MAST4: variants seen among roughly 807,000 people sequenced by gnomAD.
MAST4 encodes the protein microtubule-associated serine/threonine-protein kinase 4.
MAST4 carries 89 observed loss-of-function variants against 162.7 expected under a neutral mutation model. That is an observed-to-expected ratio of 0.55 (90% CI 0.46 to 0.65). The LOEUF (loss-of-function observed/expected upper bound fraction) is 0.65. Ranked by LOEUF, MAST4 falls within the 30% of genes least tolerant of loss-of-function variation. The pLI is 0.00. For synonymous variants in MAST4, 1,479 were observed against 1,361.1 expected, an observed-to-expected ratio of 1.09 and a Z score of -1.91; for missense variants, 3,153 against 3,374.0, an observed-to-expected ratio of 0.93 and a Z score of 1.62.
chr5:66,834,248 T>C (rs1326290161), intron 3 of MAST4, among the ~76,000 whole-genome samples: 3 of 151,930 alleles, frequency 2.0e-5, no homozygotes, highest in Non-Finnish European at 2.9e-5. Context: ...GAGCTAGAAG[T>C]GACAGGGAGC....
At chr5:66,968,231 C>T (rs553471208) in intron 4 of MAST4, among the ~76,000 whole-genome samples, 1 of 152,316 alleles carries the variant, frequency 6.6e-6, no homozygotes, top group East Asian at 1.9e-4. Flanking sequence ...GATAACCACT[C>T]AAGAGCCTGC....
At chr5:66,907,747 C>T (rs1763480786) in intron 4 of MAST4, among the ~76,000 whole-genome samples, 1 of 151,878 alleles carries the variant, frequency 6.6e-6, no homozygotes, top group African/African-American at 2.4e-5. Flanking sequence ...TTCTAGAAGG[C>T]AAGGAAAGGG....
At chr5:66,958,149 A>G (rs1370095515) in intron 4 of MAST4, among the ~76,000 whole-genome samples, 2 of 150,738 alleles carry the variant, frequency 1.3e-5, no homozygotes, top group South Asian at 2.1e-4. Flanking sequence ...GTGAAAGAGA[A>G]AGAGAGAGAG....
At chr5:66,887,694 G>A (rs1561416148) in intron 3 of MAST4, among the ~76,000 whole-genome samples, 1 of 152,154 alleles carries the variant, frequency 6.6e-6, no homozygotes, top group East Asian at 1.9e-4. Flanking sequence ...TATAGTTGCA[G>A]GATAGTGGTA....
At chr5:67,011,169 C>T (rs188843878) in intron 4 of MAST4, among the ~76,000 whole-genome samples, 30 of 152,214 alleles carry the variant, frequency 2.0e-4, no homozygotes, top group African/African-American at 6.0e-4. Flanking sequence ...AAGCCCTGAC[C>T]GAGCGTCTCT....
At chr5:66,737,532 A>G (rs376194679) in intron 1 of MAST4, among the ~76,000 whole-genome samples, 13 of 152,110 alleles carry the variant, frequency 8.5e-5, no homozygotes, top group East Asian at 7.7e-4. Context: ...TTATAAGATC[A>G]CCGCGCCTGG....
At chr5:66,600,884 G>A (rs1031306413) in intron 1 of MAST4, among the ~76,000 whole-genome samples, 10 of 152,342 alleles carry the variant, frequency 6.6e-5, no homozygotes, top group African/African-American at 2.4e-4. Context: ...GGCTTAGTAA[G>A]TAAGAGGATT....
At chr5:67,065,866 A>C (rs1235391526) in intron 5 of MAST4, among the ~76,000 whole-genome samples, 1 of 152,188 alleles carries the variant, frequency 6.6e-6, no homozygotes, top group East Asian at 1.9e-4. Flanking sequence ...TTGAAGTTCT[A>C]AGCTTTCATG....
chr5:66,703,561 G>A (rs1041802650), intron 1 of MAST4, among the ~76,000 whole-genome samples: 61 of 152,306 alleles, frequency 4.0e-4, no homozygotes, highest in African/African-American at 1.2e-3. Flanking sequence ...AATGGATGCA[G>A]CAGTGGAGTG....
chr5:66,946,616 T>C (rs1386322307), intron 4 of MAST4, among the ~76,000 whole-genome samples: 2 of 152,198 alleles, frequency 1.3e-5, no homozygotes, highest in Non-Finnish European at 2.9e-5. Context: ...TGAAAGGTTG[T>C]CATGGGTTTT....
intron 3 of MAST4, among the ~76,000 whole-genome samples, chr5:66,847,809 A>C (rs1758971192): frequency 8.8e-6 from 1 of 113,040 alleles, no homozygotes; most frequent in Non-Finnish European, 1.8e-5. Context: ...TGCTGGAACA[A>C]GACTCCTTCT....
chr5:66,878,785 A>G (rs1319251162), intron 3 of MAST4, among the ~76,000 whole-genome samples: 1 of 152,248 alleles, frequency 6.6e-6, no homozygotes. Context: ...TGCAAAGCTG[A>G]TGGAAGAGTG....
chr5:66,740,291 T>C (rs1450987082), intron 1 of MAST4, among the ~76,000 whole-genome samples: 2 of 152,236 alleles, frequency 1.3e-5, no homozygotes, highest in Non-Finnish European at 2.9e-5. Context: ...AGTTGCTGTA[T>C]GTCTTGGCTC....
At chr5:67,090,309 C>T (rs1763692115) in intron 6 of MAST4, 78 bp downstream of exon 6, 3 of 926,882 alleles carry the variant, frequency 3.2e-6, no homozygotes, top group Non-Finnish European at 4.8e-6. Flanking sequence ...CCACTTCTCC[C>T]CCTCCCCACT....
chr5:67,076,800 A>AC (rs1331009785), intron 5 of MAST4, among the ~76,000 whole-genome samples: 1 of 152,192 alleles, frequency 6.6e-6, no homozygotes, highest in Non-Finnish European at 1.5e-5. Flanking sequence ...ATCATGACAT[A>AC]CGGGAGTATA....
chr5:67,032,995 A>C (rs1373342092), intron 4 of MAST4, among the ~76,000 whole-genome samples: 1 of 152,240 alleles, frequency 6.6e-6, no homozygotes, highest in East Asian at 1.9e-4. Context: ...ATGTTGTAGA[A>C]TCATATATAA....
chr5:66,639,785 A>G (rs1291261199), intron 1 of MAST4, among the ~76,000 whole-genome samples: 1 of 152,202 alleles, frequency 6.6e-6, no homozygotes, highest in African/African-American at 2.4e-5. Flanking sequence ...TTGAATTTAA[A>G]TCAGTATTAT....
intron 3 of MAST4, among the ~76,000 whole-genome samples, chr5:66,834,316 C>T (rs1003378145): frequency 3.3e-5 from 5 of 152,116 alleles, no homozygotes; most frequent in South Asian, 2.1e-4. Flanking sequence ...AACCCGGAGA[C>T]GCGAAGACGT....
intron 3 of MAST4, among the ~76,000 whole-genome samples, chr5:66,866,408 C>G (rs573913711): frequency 6.6e-6 from 1 of 152,280 alleles, no homozygotes; most frequent in East Asian, 1.9e-4. Flanking sequence ...AAAATGTGCT[C>G]TACTTCTAAA....
Sources: allele counts gnomAD v4.1 joint callset (sites outside exome capture counted in the v4.1 genomes callset), GRCh38; gene constraint gnomAD v4.1.1; transcripts MANE v1.5; gene names NCBI Gene and HGNC (gene_info 2026-07-23, HGNC 2026-07-21).